Variants in CRYBG1 observed in about 807,000 individuals in gnomAD.
The protein encoded by CRYBG1 is beta/gamma crystallin domain-containing protein 1.
CRYBG1 carries 139 observed loss-of-function variants against 189.2 expected under a neutral mutation model. The observed-to-expected ratio is 0.73, with a 90% CI of 0.64 to 0.85. CRYBG1 has a LOEUF of 0.85. Ranked by LOEUF, CRYBG1 falls within the 40% of genes least tolerant of loss-of-function variation. CRYBG1 has a pLI of 0.00. For missense variants in CRYBG1, 2,611 were observed against 2,675.8 expected (o/e 0.98, Z 0.53); for synonymous variants, 1,023 against 1,017.1 (o/e 1.01, Z -0.11).
intron 1 of CRYBG1, among the ~76,000 whole-genome samples, chr6:106,382,976 AG>A (rs1327538516): frequency 2.0e-5 from 3 of 152,232 alleles, no homozygotes; most frequent in African/African-American, 2.4e-5. Flanking sequence ...ATATCTAAGT[AG>A]GGCTAATGGG....
Position 106,519,679 on chromosome 6 carries a change from A to G in CRYBG1, c.2471A>G (p.Lys824Arg), listed in dbSNP as rs141046906. The G allele has an allele frequency of 2.8e-4, 453 of 1,614,132 alleles. 3 individuals are homozygous for G. In the African/African-American group the frequency reaches 5.5e-3, roughly 20 times the overall value. The change falls in exon 4 of 22, where the codon AAA becomes AGA. Residue 824 changes from lysine to arginine, a missense_variant. Lys to Arg is a conservative substitution (Grantham distance 26, BLOSUM62 2). Coordinates refer to ENST00000633556, the MANE Select transcript of CRYBG1 (RefSeq NM_001371242.2). ...GAGGACTCAGAGGCTGCAGACAGCA[A>G]AAGCCTTGTACTTGAAAATGTAACC... ...EKEDSEAADS[K>R]SLVLENVTDT...
intron 21 of CRYBG1, among the ~76,000 whole-genome samples, chr6:106,566,462 G>GTTTTTTTTTTT (rs1312190668): frequency 3.3e-5 from 3 of 90,968 alleles, no homozygotes; most frequent in Non-Finnish European, 6.2e-5. Context: ...AGCAACAACA[G>GTTTTTTTTTTT]TCTTTTTTTT....
At chr6:106,367,164 C>G (rs1772016690) in intron 1 of CRYBG1, among the ~76,000 whole-genome samples, 1 of 152,208 alleles carries the variant, frequency 6.6e-6, no homozygotes, top group African/African-American at 2.4e-5. Context: ...TTTATCCCCC[C>G]TCTATTTCCA....
intron 4 of CRYBG1, among the ~76,000 whole-genome samples, chr6:106,521,844 T>A (rs1045379541): frequency 6.7e-6 from 1 of 148,954 alleles, no homozygotes; most frequent in Non-Finnish European, 1.5e-5. Flanking sequence ...TCGGCTTCCC[T>A]AGTAGCAGGG....
chr6:106,398,898 A>T (rs1770665844), intron 1 of CRYBG1, among the ~76,000 whole-genome samples: 1 of 152,240 alleles, frequency 6.6e-6, no homozygotes, highest in African/African-American at 2.4e-5. Context: ...GATGCCTCAC[A>T]TGACATGTGA....
chr6:106,524,999 T>A, intron 4 of CRYBG1, 134 bp from the exon 5 acceptor site: 1 of 819,468 alleles, frequency 1.2e-6, no homozygotes, highest in Middle Eastern at 3.6e-4. Flanking sequence ...AACTTTAGCA[T>A]CCATTAGAGT....
At chr6:106,470,707 C>T (rs1393670758) in intron 2 of CRYBG1, among the ~76,000 whole-genome samples, 1 of 152,188 alleles carries the variant, frequency 6.6e-6, no homozygotes, top group Non-Finnish European at 1.5e-5. Flanking sequence ...AAGTAATTGA[C>T]ACAGATGCCC....
intron 1 of CRYBG1, among the ~76,000 whole-genome samples, chr6:106,391,475 G>A (rs914683031): frequency 3.9e-5 from 6 of 151,958 alleles, no homozygotes; most frequent in African/African-American, 1.4e-4. Flanking sequence ...GACTAATGAT[G>A]TTGGACAACT....
intron 1 of CRYBG1, among the ~76,000 whole-genome samples, chr6:106,379,728 T>C (rs1236397867): frequency 6.6e-6 from 1 of 152,100 alleles, no homozygotes; most frequent in Admixed American, 6.5e-5. Flanking sequence ...CTGGCTACTT[T>C]TAAAACAATT....
At chr6:106,565,377 AC>A (rs1167446973) in intron 21 of CRYBG1, among the ~76,000 whole-genome samples, 1 of 152,132 alleles carries the variant, frequency 6.6e-6, no homozygotes, top group African/African-American at 2.4e-5. Flanking sequence ...TTAAAAAACA[AC>A]TTTTCTGGAT....
intron 18 of CRYBG1, among the ~76,000 whole-genome samples, chr6:106,559,670 C>T (rs1386498065): frequency 2.0e-5 from 3 of 152,038 alleles, no homozygotes; most frequent in Non-Finnish European, 2.9e-5. Context: ...CCTGTAATCC[C>T]AGCTACTCAG....
intron 7 of CRYBG1, among the ~76,000 whole-genome samples, chr6:106,529,847 A>G (rs1385249103): frequency 2.0e-5 from 3 of 152,238 alleles, no homozygotes; most frequent in Non-Finnish European, 2.9e-5. Flanking sequence ...ATATCAGAGC[A>G]AAGGAACCAA....
intron 2 of CRYBG1, among the ~76,000 whole-genome samples, chr6:106,494,081 A>G (rs1772786287): frequency 6.6e-6 from 1 of 152,244 alleles, no homozygotes. Context: ...TATGCATACA[A>G]CATAGATAAC....
At chr6:106,432,909 G>A (rs1487148419) in intron 1 of CRYBG1, among the ~76,000 whole-genome samples, 3 of 140,444 alleles carry the variant, frequency 2.1e-5, no homozygotes, top group South Asian at 4.4e-4. Context: ...ACGCCATCTC[G>A]GCTCACTGCA....
chr6:106,529,251 T>A (rs1773821635), intron 7 of CRYBG1, among the ~76,000 whole-genome samples: 1 of 152,158 alleles, frequency 6.6e-6, no homozygotes, highest in Non-Finnish European at 1.5e-5. Context: ...CGGCCAGTAA[T>A]TTATAATTTT....
At chr6:106,431,509 A>G (rs1771326258) in intron 1 of CRYBG1, among the ~76,000 whole-genome samples, 1 of 152,256 alleles carries the variant, frequency 6.6e-6, no homozygotes, top group Non-Finnish European at 1.5e-5. Flanking sequence ...AAGTTGAAAA[A>G]AAAATAAGAT....
At chr6:106,459,493 G>A (rs1771958077) in intron 2 of CRYBG1, among the ~76,000 whole-genome samples, 1 of 149,800 alleles carries the variant, frequency 6.7e-6, no homozygotes, top group Non-Finnish European at 1.5e-5. Flanking sequence ...GCCTCTCAGG[G>A]TAAGGAGAGA....
chr6:106,503,858 T>A (rs995717039), intron 2 of CRYBG1, among the ~76,000 whole-genome samples: 1 of 151,990 alleles, frequency 6.6e-6, no homozygotes, highest in African/African-American at 2.4e-5. Context: ...TAATTATAAA[T>A]TATAAATTAA....
intron 2 of CRYBG1, among the ~76,000 whole-genome samples, chr6:106,495,829 AAAAAAAAAC>A (rs1466356558): frequency 6.6e-6 from 1 of 150,982 alleles, no homozygotes; most frequent in Non-Finnish European, 1.5e-5. Flanking sequence ...TAAAAAAAAA[AAAAAAAAAC>A]AACTTTCCCC....
Sources: gnomAD v4.1 joint callset for allele counts (sites outside exome capture counted in the v4.1 genomes callset) on GRCh38, gnomAD v4.1.1 for gene constraint, MANE v1.5 for transcripts, NCBI Gene and HGNC (gene_info 2026-07-23, HGNC 2026-07-21) for gene names.